The following CACNG5 variants were observed in gnomAD, a reference collection of about 807,000 sequenced individuals.
CACNG5 encodes the protein voltage-dependent calcium channel gamma-5 subunit.
In CACNG5, 18 loss-of-function variants were observed where a neutral mutation model predicts 24.8. The observed-to-expected ratio is 0.73, with a 90% CI of 0.50 to 1.08. The LOEUF is 1.08. CACNG5 is among the 50% of genes least tolerant of loss of function. The pLI, the probability that CACNG5 is intolerant of heterozygous loss-of-function variation, is 0.00. For synonymous variants in CACNG5, 157 were observed against 149.1 expected, an observed-to-expected ratio of 1.05 and a Z score of -0.39; for missense variants, 349 against 367.9, an observed-to-expected ratio of 0.95 and a Z score of 0.42.
At chr17:66,846,621 C>T (rs2143035138) in intron 1 of CACNG5, among the ~76,000 whole-genome samples, 1 of 152,260 alleles carries the variant, frequency 6.6e-6, no homozygotes. Context: ...CACAGTGTGT[C>T]CATTCATGAA....
chr17:66,883,324 G>A (rs966989326), intron 4 of CACNG5, among the ~76,000 whole-genome samples: 1 of 152,056 alleles, frequency 6.6e-6, no homozygotes, highest in Admixed American at 6.5e-5. Flanking sequence ...GATTGAGATG[G>A]GCCACATGAA....
Position 66,885,355 on chromosome 17 carries a change from G to A in CACNG5, c.*115G>A. On this transcript the variant is annotated 3_prime_UTR_variant, in exon 6 of 6. Transcript: ENST00000533854. ...GACAGGCCCAGGCCACCCATGCTTA[G>A]CTGTTGTCACTTGACCCCAGTCCTC... is the stretch of plus-strand genomic sequence containing the variant. The A allele has an allele frequency of 7.6e-7, 1 of 1,321,956 alleles. No homozygotes were observed. Among genetic ancestry groups the A allele is most frequent in the East Asian group, 2.3e-5 (1 of 42,666 alleles). The allele number at this position is 1,321,956 out of a possible 1,614,324, so 81.9% of individuals were successfully genotyped here. A position where few individuals can be genotyped will look rare whatever the true frequency, so the allele number is the denominator to read the frequency against.
chr17:66,864,479 A>G (rs1976902675), intron 1 of CACNG5, among the ~76,000 whole-genome samples: 1 of 152,194 alleles, frequency 6.6e-6, no homozygotes, highest in African/African-American at 2.4e-5. Context: ...CTTCATCTTC[A>G]GTTATTGACC....
At chr17:66,859,464 T>G (rs939352263) in intron 1 of CACNG5, among the ~76,000 whole-genome samples, 1 of 152,124 alleles carries the variant, frequency 6.6e-6, no homozygotes, top group African/African-American at 2.4e-5. Flanking sequence ...AAAACGATGC[T>G]GGGAGGAGGT....
At chr17:66,867,769 T>C (rs1976950687) in intron 1 of CACNG5, among the ~76,000 whole-genome samples, 1 of 152,202 alleles carries the variant, frequency 6.6e-6, no homozygotes, top group Admixed American at 6.5e-5. Context: ...TTGTTGAAGA[T>C]CAAATCATTG....
At chr17:66,854,490 C>T (rs1334053347) in intron 1 of CACNG5, among the ~76,000 whole-genome samples, 22 of 149,818 alleles carry the variant, frequency 1.5e-4, no homozygotes, top group African/African-American at 4.9e-4. Context: ...GTCAGGAGTT[C>T]GAGACCAGCC....
chr17:66,853,549 G>A (rs917663480), intron 1 of CACNG5, among the ~76,000 whole-genome samples: 10 of 152,222 alleles, frequency 6.6e-5, no homozygotes, highest in African/African-American at 1.9e-4. Flanking sequence ...TAGTATGTGC[G>A]TAATGGTATC....
rs554911528 is a variant in CACNG5, at chr17:66,889,757, G to A, written c.*4517G>A. 2.0e-4 allele frequency among the ~76,000 whole-genome samples: 30 copies of A among 152,276 alleles called. No individual in the cohort carries two copies. In the South Asian group the frequency reaches 4.1e-3, roughly 21 times the overall value. On this transcript the variant is annotated 3_prime_UTR_variant, in exon 6 of 6. Transcript: ENST00000533854. The stretch of plus-strand genomic sequence containing the variant: ...AGTGCAGTGGTTGAGGCCCACCGAC[G>A]TTAGAAAAGGTAATTGCTTTACTCA...
rs1254223797 is a variant in CACNG5, at chr17:66,877,339, G to C, written c.7G>C (p.Ala3Pro). The C allele has an allele frequency of 2.5e-6, 4 of 1,613,556 alleles. No homozygotes were observed. Among genetic ancestry groups the C allele is most frequent in the Non-Finnish European group, 3.4e-6 (4 of 1,179,748 alleles). The change falls in exon 2 of 6, where the codon GCC (alanine) becomes CCC (proline). Residue 3 changes from alanine (A) to proline (P), a missense_variant. Coordinates refer to ENST00000533854, the MANE Select transcript of CACNG5 (RefSeq NM_145811.3). ...ACAGCAACGGTCCAGGAAGATGAGT[G>C]CCTGCGGGAGGAAGGCCCTGACCCT... The part of the protein sequence containing the change: MS[A>P]CGRKALTLLS...
chr17:66,889,920 A>G lies in CACNG5; in HGVS notation c.*4680A>G, dbSNP rs1426681590. Among the ~76,000 whole-genome samples the G allele has an allele frequency of 6.6e-6, 1 of 152,218 alleles. No individual in the cohort carries two copies. On this transcript the variant is annotated 3_prime_UTR_variant, in exon 6 of 6. Transcript: ENST00000533854. ...AAAACTAACCATTGTAAGTGGAGAAAGGACAGCGGAGGCCGGGGGAGCCAC... is the reference window on the plus strand; with the variant it reads ...AAAACTAACCATTGTAAGTGGAGAAGGGACAGCGGAGGCCGGGGGAGCCAC...
At chr17:66,880,056 A>G (rs958269973) in intron 3 of CACNG5, among the ~76,000 whole-genome samples, 1 of 152,204 alleles carries the variant, frequency 6.6e-6, no homozygotes, top group Non-Finnish European at 1.5e-5. Flanking sequence ...GTGATCTCTC[A>G]GGAACCAGGG....
At chr17:66,836,161 C>T (rs555112442) in intron 1 of CACNG5, among the ~76,000 whole-genome samples, 11 of 152,116 alleles carry the variant, frequency 7.2e-5, no homozygotes, top group Non-Finnish European at 1.5e-4. Context: ...TAAGGAAGCC[C>T]TTGTTCCCAG....
chr17:66,863,818 C>T (rs1354324614), intron 1 of CACNG5, among the ~76,000 whole-genome samples: 2 of 152,218 alleles, frequency 1.3e-5, no homozygotes, highest in East Asian at 1.9e-4. Flanking sequence ...CAACTTTCCT[C>T]AATTTTTGTT....
At chr17:66,884,945 C>CA in intron 5 of CACNG5, 38 bp from the exon 6 acceptor site, 2 of 1,614,112 alleles carry the variant, frequency 1.2e-6, no homozygotes, top group Non-Finnish European at 1.7e-6. Context: ...AGGCAGGCCC[C>CA]AGCAGCGAGC....
intron 1 of CACNG5, among the ~76,000 whole-genome samples, chr17:66,853,541 G>A (rs1466611146): frequency 6.6e-6 from 1 of 152,126 alleles, no homozygotes; most frequent in East Asian, 1.9e-4. Flanking sequence ...AGCCATTCTA[G>A]TATGTGCGTA....
chr17:66,842,350 G>A (rs1165654865), intron 1 of CACNG5, among the ~76,000 whole-genome samples: 1 of 152,188 alleles, frequency 6.6e-6, no homozygotes, highest in Non-Finnish European at 1.5e-5. Context: ...CAGATAATGA[G>A]AGCACTGTCA....
intron 1 of CACNG5, among the ~76,000 whole-genome samples, chr17:66,863,077 T>C (rs1976886648): frequency 6.6e-6 from 1 of 152,198 alleles, no homozygotes; most frequent in African/African-American, 2.4e-5. Flanking sequence ...TTTCTTGGGC[T>C]AGGTACTTAG....
At chr17:66,882,483 T>C (rs564980850) in intron 4 of CACNG5, among the ~76,000 whole-genome samples, 1 of 152,204 alleles carries the variant, frequency 6.6e-6, no homozygotes, top group Non-Finnish European at 1.5e-5. Context: ...TCCATGGACA[T>C]GGATGAGATT....
At chr17:66,851,295 A>G (rs967245137) in intron 1 of CACNG5, among the ~76,000 whole-genome samples, 1 of 152,134 alleles carries the variant, frequency 6.6e-6, no homozygotes, top group African/African-American at 2.4e-5. Flanking sequence ...TGGAACTTCT[A>G]GCTCACCCAG....
Sources: gnomAD v4.1 joint callset for allele counts (sites outside exome capture counted in the v4.1 genomes callset) on GRCh38, gnomAD v4.1.1 for gene constraint, MANE v1.5 for transcripts, NCBI Gene and HGNC (gene_info 2026-07-23, HGNC 2026-07-21) for gene names.